The following TMEM163 variants were observed in gnomAD, a reference collection of about 807,000 sequenced individuals.
The protein encoded by TMEM163 is transmembrane protein 163.
Under a neutral mutation model 29.3 loss-of-function variants are expected in TMEM163, and 17 were observed. The ratio of observed to expected loss-of-function variants is 0.58; its 90% CI spans 0.40 to 0.87. The LOEUF is 0.87. Ranked by LOEUF, TMEM163 falls within the 40% of genes least tolerant of loss-of-function variation. The pLI is 0.00. For synonymous variants in TMEM163, 157 were observed against 160.6 expected, an observed-to-expected ratio of 0.98 and a Z score of 0.17; for missense variants, 303 against 381.5, an observed-to-expected ratio of 0.79 and a Z score of 1.71.
At chr2:134,673,053 A>G (rs1161030296) in intron 2 of TMEM163, among the ~76,000 whole-genome samples, 1 of 152,188 alleles carries the variant, frequency 6.6e-6, no homozygotes. Flanking sequence ...CAGCTGCAAC[A>G]TTGAACTTTT....
intron 2 of TMEM163, among the ~76,000 whole-genome samples, chr2:134,659,179 T>C (rs1683690500): frequency 6.6e-6 from 1 of 152,166 alleles, no homozygotes. Flanking sequence ...TCTAAACACA[T>C]CTAAACATAG....
intron 2 of TMEM163, among the ~76,000 whole-genome samples, chr2:134,588,541 T>C (rs1259269520): frequency 6.6e-6 from 1 of 152,146 alleles, no homozygotes; most frequent in African/African-American, 2.4e-5. Flanking sequence ...TGAACCAGCA[T>C]GTGCCATTAA....
chr2:134,554,906 C>T (rs1402997363), intron 2 of TMEM163, among the ~76,000 whole-genome samples: 1 of 152,146 alleles, frequency 6.6e-6, no homozygotes, highest in South Asian at 2.1e-4. Context: ...AACCCAGAGT[C>T]CTTCACAGAG....
In TMEM163 at chr2:134,482,209, G is replaced by A. The variant is rs113731028; in HGVS notation, c.556-15984C>T. On this transcript the variant is annotated intron_variant, in intron 5 of 7. Transcript: ENST00000281924. ...ACAACGATGAGTTGTTATTAATGGT[G>A]TTGCTCACAGAAAAACCTCATGTAG... 1.3e-3 allele frequency among the ~76,000 whole-genome samples: 195 copies of A among 152,260 alleles called. 1 individual carries two copies. The highest frequency in any genetic ancestry group is 2.1e-3 in the Non-Finnish European group (141 of 68,034).
At chr2:134,700,942 A>ATAAATAATTAAATAAT (rs56105128) in intron 2 of TMEM163, among the ~76,000 whole-genome samples, 47 of 119,354 alleles carry the variant, frequency 3.9e-4, no homozygotes, top group African/African-American at 1.5e-3. Flanking sequence ...AAATAAATAA[A>ATAAATAATTAAATAAT]TAAATAAAGT....
At chr2:134,585,471 G>C (rs1488209721) in intron 2 of TMEM163, among the ~76,000 whole-genome samples, 17 of 152,272 alleles carry the variant, frequency 1.1e-4, no homozygotes, top group South Asian at 6.2e-4. Flanking sequence ...TGGCCGAGTG[G>C]GGTGGCTCAC....
chr2:134,477,724 C>A (rs1686951879), intron 5 of TMEM163, among the ~76,000 whole-genome samples: 1 of 152,120 alleles, frequency 6.6e-6, no homozygotes, highest in African/African-American at 2.4e-5. Context: ...ATTGGATAAG[C>A]ACCAACAAGG....
chr2:134,606,006 C>T (rs1682347108), intron 2 of TMEM163, among the ~76,000 whole-genome samples: 1 of 152,088 alleles, frequency 6.6e-6, no homozygotes, highest in African/African-American at 2.4e-5. Context: ...ATTCACTTTT[C>T]CTTTTAAACA....
intron 5 of TMEM163, among the ~76,000 whole-genome samples, chr2:134,501,759 TA>T (rs1679701617): frequency 6.6e-6 from 1 of 152,174 alleles, no homozygotes; most frequent in Admixed American, 6.5e-5. Flanking sequence ...TAATAAATGG[TA>T]ATATTTGTTC....
chr2:134,610,464 G>T lies in TMEM163; in HGVS notation c.323-58373C>A, dbSNP rs1019223732. ...CCCCTGAGTTTCAATTTAGTGGTCT[G>T]GGGGGAGGTCTGGGGACATACAGTC... On this transcript the variant is annotated intron_variant, in intron 2 of 7. Transcript: ENST00000281924. 5.3e-5 allele frequency among the ~76,000 whole-genome samples: 8 copies of T among 152,168 alleles called. No individual in the cohort carries two copies. The South Asian group carries it at 8.3e-4, about 16-fold the overall frequency.
chr2:134,547,302 T>C (rs2106506080), intron 4 of TMEM163, among the ~76,000 whole-genome samples: 1 of 152,300 alleles, frequency 6.6e-6, no homozygotes, highest in Middle Eastern at 3.4e-3. Flanking sequence ...AAACTCTCTT[T>C]CCCTGAGTAT....
chr2:134,476,582 A>G (rs1686917071), intron 5 of TMEM163, among the ~76,000 whole-genome samples: 1 of 152,338 alleles, frequency 6.6e-6, no homozygotes, highest in Non-Finnish European at 1.5e-5. Flanking sequence ...ATGATCATGT[A>G]CATAGTAATG....
chr2:134,673,217 A>G (rs1233556108), intron 2 of TMEM163, among the ~76,000 whole-genome samples: 1 of 152,092 alleles, frequency 6.6e-6, no homozygotes, highest in African/African-American at 2.4e-5. Context: ...CCTGATCCAC[A>G]AGATATAGTC....
chr2:134,619,314 A>G (rs1682676787), intron 2 of TMEM163, among the ~76,000 whole-genome samples: 1 of 152,242 alleles, frequency 6.6e-6, no homozygotes, highest in Admixed American at 6.5e-5. Flanking sequence ...AAGAAAGGTG[A>G]AACCAATGTC....
At chr2:134,711,358 A>G (rs1477838801) in intron 2 of TMEM163, among the ~76,000 whole-genome samples, 1 of 152,212 alleles carries the variant, frequency 6.6e-6, no homozygotes, top group Non-Finnish European at 1.5e-5. Flanking sequence ...AAGTGGAGGA[A>G]AATATAATTC....
At chr2:134,520,390 G>A (rs1341767386) in intron 4 of TMEM163, among the ~76,000 whole-genome samples, 1 of 152,212 alleles carries the variant, frequency 6.6e-6, no homozygotes, top group African/African-American at 2.4e-5. Flanking sequence ...ACAAAGCACA[G>A]TCCCCGGAAC....
chr2:134,547,904 C>G (rs1680827099), intron 4 of TMEM163, among the ~76,000 whole-genome samples: 1 of 152,120 alleles, frequency 6.6e-6, no homozygotes, highest in African/African-American at 2.4e-5. Flanking sequence ...CTTGGAAAAC[C>G]TCCAGACCTA....
At chr2:134,603,738 C>G (rs1682286922) in intron 2 of TMEM163, among the ~76,000 whole-genome samples, 1 of 151,650 alleles carries the variant, frequency 6.6e-6, no homozygotes, top group Non-Finnish European at 1.5e-5. Context: ...GGCTAAGGAC[C>G]CTCTCCTTCT....
At chr2:134,558,921 G>C (rs558626770) in intron 2 of TMEM163, among the ~76,000 whole-genome samples, 7 of 152,220 alleles carry the variant, frequency 4.6e-5, no homozygotes, top group African/African-American at 1.7e-4. Context: ...ATTACACAGG[G>C]GCCTGGCAAC....
Sources: gnomAD v4.1 joint callset for allele counts (sites outside exome capture counted in the v4.1 genomes callset) on GRCh38, gnomAD v4.1.1 for gene constraint, MANE v1.5 for transcripts, NCBI Gene and HGNC (gene_info 2026-07-23, HGNC 2026-07-21) for gene names.